EDIL3: variants seen among roughly 807,000 people sequenced by gnomAD.
The protein encoded by EDIL3 is EGF-like repeat and discoidin I-like domain-containing protein 3.
A neutral mutation model predicts 67.4 loss-of-function variants in EDIL3; 37 were observed. The ratio of observed to expected loss-of-function variants is 0.55; its 90% CI spans 0.42 to 0.72. The LOEUF is 0.72. EDIL3 is among the 30% of genes least tolerant of loss of function. EDIL3 has a pLI of 0.00. For missense variants in EDIL3, 527 were observed against 586.3 expected (o/e 0.90, Z 1.04); for synonymous variants, 195 against 196.3 (o/e 0.99, Z 0.05).
intron 3 of EDIL3, among the ~76,000 whole-genome samples, chr5:84,198,515 A>G (rs952019933): frequency 6.6e-6 from 1 of 152,068 alleles, no homozygotes; most frequent in African/African-American, 2.4e-5. Flanking sequence ...GGATTAACAT[A>G]CTCAGCTATT....
chr5:84,038,458 T>C (rs1746063614), intron 9 of EDIL3, among the ~76,000 whole-genome samples: 1 of 152,226 alleles, frequency 6.6e-6, no homozygotes, highest in Non-Finnish European at 1.5e-5. Flanking sequence ...ATGTACTTCT[T>C]AAATCCTTTT....
chr5:84,220,707 G>T (rs997505624), intron 3 of EDIL3, among the ~76,000 whole-genome samples: 1 of 152,176 alleles, frequency 6.6e-6, no homozygotes, highest in South Asian at 2.1e-4. Context: ...AATCTTCAAA[G>T]AAAGCTAAAA....
Position 84,351,745 on chromosome 5 carries a change from T to G in EDIL3, c.67+32563A>C, listed in dbSNP as rs1280606998. Among the ~76,000 whole-genome samples the G allele has an allele frequency of 2.0e-5, 3 of 152,098 alleles. No homozygotes were observed. In the East Asian group the frequency reaches 5.8e-4, roughly 29 times the overall value. The stretch of plus-strand genomic sequence containing the variant: ...CTTTCCAATTAAAACATTAAATAAT[T>G]TAGTAAAATTTATGGAAACAATAGC... On this transcript the variant is annotated intron_variant, in intron 1 of 10. Transcript: ENST00000296591.
At chr5:84,157,649 A>C (rs541805327) in intron 4 of EDIL3, among the ~76,000 whole-genome samples, 1 of 152,138 alleles carries the variant, frequency 6.6e-6, no homozygotes, top group East Asian at 1.9e-4. Context: ...TGCCCACATA[A>C]AATAACTCTG....
At chr5:83,946,637 A>C (rs1744316463) in intron 10 of EDIL3, among the ~76,000 whole-genome samples, 1 of 151,914 alleles carries the variant, frequency 6.6e-6, no homozygotes, top group Admixed American at 6.6e-5. Context: ...ATTTTTTATA[A>C]GACGAGCTAC....
chr5:84,215,487 C>T (rs567252247), intron 3 of EDIL3, among the ~76,000 whole-genome samples: 3 of 152,076 alleles, frequency 2.0e-5, no homozygotes, highest in South Asian at 4.2e-4. Context: ...CTCCTGACCT[C>T]GTGATCCGCC....
At chr5:83,965,119 G>A (rs2301070) in intron 9 of EDIL3, among the ~76,000 whole-genome samples, 83,096 of 151,822 alleles carry the variant, frequency 0.55, 22,742 homozygotes, top group Middle Eastern at 0.58. Flanking sequence ...TTAGCATAAC[G>A]GATCAGTCAT....
chr5:84,202,499 G>T (rs1041691063), intron 3 of EDIL3, among the ~76,000 whole-genome samples: 15 of 152,186 alleles, frequency 9.9e-5, no homozygotes, highest in Admixed American at 2.6e-4. Flanking sequence ...TATCAGTGAG[G>T]AGTACATAGC....
intron 4 of EDIL3, among the ~76,000 whole-genome samples, chr5:84,168,514 TAGAA>T (rs1453629454): frequency 3.7e-4 from 57 of 152,132 alleles, no homozygotes; most frequent in African/African-American, 1.3e-3. Context: ...TGTTGAAAGA[TAGAA>T]AGAGTGGCAA....
chr5:84,236,585 C>T (rs550179005), intron 2 of EDIL3, among the ~76,000 whole-genome samples: 2 of 152,096 alleles, frequency 1.3e-5, no homozygotes, highest in South Asian at 2.1e-4. Context: ...AAACTATAAC[C>T]GAAAGCCAGT....
At chr5:84,034,703 G>A (rs1709825836) in intron 9 of EDIL3, among the ~76,000 whole-genome samples, 1 of 152,138 alleles carries the variant, frequency 6.6e-6, no homozygotes, top group African/African-American at 2.4e-5. Context: ...TTGAGGTAAT[G>A]TTGGCTCCAT....
chr5:84,315,490 T>C (rs552616072), intron 1 of EDIL3, among the ~76,000 whole-genome samples: 1 of 152,136 alleles, frequency 6.6e-6, no homozygotes, highest in Non-Finnish European at 1.5e-5. Context: ...ATGCTAAAAA[T>C]TTTTTTAAAA....
At chr5:84,215,012 AC>A (rs913320332) in intron 3 of EDIL3, among the ~76,000 whole-genome samples, 3 of 151,808 alleles carry the variant, frequency 2.0e-5, no homozygotes, top group African/African-American at 7.3e-5. Context: ...GAGCCACCGC[AC>A]CCGGCCCTAT....
intron 4 of EDIL3, among the ~76,000 whole-genome samples, chr5:84,170,636 G>GTC (rs1403096063): frequency 6.6e-6 from 1 of 152,076 alleles, no homozygotes; most frequent in Non-Finnish European, 1.5e-5. Flanking sequence ...ATAACTAAGA[G>GTC]CAACAGTAAT....
At chr5:84,232,351 C>A (rs935656264) in intron 2 of EDIL3, among the ~76,000 whole-genome samples, 2 of 152,152 alleles carry the variant, frequency 1.3e-5, no homozygotes, top group African/African-American at 4.8e-5. Flanking sequence ...CAGACATAGG[C>A]AGCTGAGATC....
intron 9 of EDIL3, among the ~76,000 whole-genome samples, chr5:84,055,701 T>A (rs1023139488): frequency 2.0e-5 from 3 of 151,914 alleles, no homozygotes; most frequent in Non-Finnish European, 4.4e-5. Flanking sequence ...AAAAAACACA[T>A]GAAAAAATGG....
chr5:84,317,353 T>C (rs1261835755), intron 1 of EDIL3, among the ~76,000 whole-genome samples: 1 of 151,886 alleles, frequency 6.6e-6, no homozygotes, highest in Non-Finnish European at 1.5e-5. Context: ...ACAAAATAGA[T>C]AGACTGCTAG....
chr5:84,240,805 C>A (rs1467550017), intron 2 of EDIL3, among the ~76,000 whole-genome samples: 1 of 152,164 alleles, frequency 6.6e-6, no homozygotes, highest in Non-Finnish European at 1.5e-5. Context: ...CCATAAACAC[C>A]TTATAAACTG....
chr5:84,224,376 C>A (rs1369530022), intron 3 of EDIL3, among the ~76,000 whole-genome samples: 30 of 151,592 alleles, frequency 2.0e-4, no homozygotes, highest in Admixed American at 5.3e-4. Flanking sequence ...ACTTGATTTG[C>A]TACACCTTAT....
Sources: gnomAD v4.1 joint callset for allele counts (sites outside exome capture counted in the v4.1 genomes callset) on GRCh38, gnomAD v4.1.1 for gene constraint, MANE v1.5 for transcripts, NCBI Gene and HGNC (gene_info 2026-07-23, HGNC 2026-07-21) for gene names.